The following BCAS3 variants were observed in gnomAD, a reference collection of about 807,000 sequenced individuals.
The protein encoded by BCAS3 is BCAS3 microtubule associated cell migration factor, also known as BCAS4/BCAS3 fusion.
Under a neutral mutation model 116.1 loss-of-function variants are expected in BCAS3, and 53 were observed. The observed-to-expected ratio is 0.46, with a 90% confidence interval of 0.37 to 0.57. The LOEUF is 0.57. BCAS3 is among the 20% of genes least tolerant of loss of function. The probability of loss-of-function intolerance (pLI) is 0.00; values close to 1 mark genes in which losing one functional copy is unlikely to be tolerated. For missense variants in BCAS3, 917 were observed against 1,165.4 expected (o/e 0.79, Z 3.10); for synonymous variants, 391 against 408.2 (o/e 0.96, Z 0.51).
intron 22 of BCAS3, among the ~76,000 whole-genome samples, chr17:61,154,505 G>A (rs1036564626): frequency 6.6e-6 from 1 of 151,004 alleles, no homozygotes; most frequent in Non-Finnish European, 1.5e-5. Context: ...GGGGGATCAT[G>A]GCTCACTGCA....
rs916114269 is a variant in BCAS3, at chr17:61,151,765, A to G, written c.2425+67201A>G. 1.3e-5 allele frequency among the ~76,000 whole-genome samples: 2 copies of G among 152,162 alleles called. No homozygotes were observed. The highest frequency in any genetic ancestry group is 2.4e-5 in the African/African-American group (1 of 41,428). ...GAGCCACTGCACCTGGCCAACATCT[A>G]TATTTTGAATGACTGTTGTATGCCA... On this transcript the variant is annotated intron_variant, in intron 22 of 23. Coordinates refer to ENST00000407086, the MANE Select transcript of BCAS3 (RefSeq NM_017679.5). The surrounding 1 kb of genome is among the most constrained non-coding windows in gnomAD (Gnocchi z 4.8).
In BCAS3 at chr17:61,118,629, G is replaced by C. The variant is rs545582540; in HGVS notation, c.2425+34065G>C. On this transcript the variant is annotated intron_variant, in intron 22 of 23. Coordinates refer to ENST00000407086, the MANE Select transcript of BCAS3 (RefSeq NM_017679.5). This position sits in a 1 kb window ranked among gnomAD's most constrained non-coding sequence, Gnocchi z 5.0. The stretch of plus-strand genomic sequence containing the variant: ...CTTGGCCTTTCCCACTGTGGGTGGT[G>C]GGGGTGCTGCAAGTTTTTGTGTGGC... Among the ~76,000 whole-genome samples, 7 of 152,270 alleles carry C rather than the reference G, an allele frequency of 4.6e-5. No individual in the cohort carries two copies. The East Asian group carries it at 1.4e-3, about 29-fold the overall frequency.
At chr17:60,953,780 C>T (rs1050944827) in intron 14 of BCAS3, among the ~76,000 whole-genome samples, 2 of 148,872 alleles carry the variant, frequency 1.3e-5, no homozygotes, top group African/African-American at 5.1e-5. Flanking sequence ...GTCACCCAGG[C>T]TGGAGTGCAA....
chr17:60,764,827 G>A (rs566170335), intron 6 of BCAS3, among the ~76,000 whole-genome samples: 19 of 152,278 alleles, frequency 1.2e-4, no homozygotes, highest in African/African-American at 4.3e-4. Flanking sequence ...TTGTGTGGGA[G>A]TCTAAGTCTC....
intron 22 of BCAS3, among the ~76,000 whole-genome samples, chr17:61,271,898 C>G (rs1047048968): frequency 1.3e-5 from 2 of 152,102 alleles, no homozygotes; most frequent in African/African-American, 4.8e-5. Flanking sequence ...CAGCCTCACA[C>G]TCCTGAGCCC....
intron 4 of BCAS3, chr17:60,696,606 A>G (rs1023555508): frequency 6.6e-6 from 1 of 152,176 alleles, no homozygotes; most frequent in Non-Finnish European, 1.5e-5. Flanking sequence ...CCCCATCTCT[A>G]AAAGAAAATG....
chr17:60,891,573 T>C (rs2145008573), intron 10 of BCAS3: 3 of 417,578 alleles, frequency 7.2e-6, no homozygotes, highest in Non-Finnish European at 9.6e-6. Flanking sequence ...TATAGAATTG[T>C]AAAATTGAAT....
chr17:61,334,078 C>T (rs1197737976), intron 22 of BCAS3, among the ~76,000 whole-genome samples: 3 of 152,206 alleles, frequency 2.0e-5, no homozygotes, highest in Non-Finnish European at 4.4e-5. Context: ...GACACAATCT[C>T]AGCCCTGCAG....
intron 22 of BCAS3, among the ~76,000 whole-genome samples, chr17:61,242,596 G>A (rs2047613029): frequency 6.6e-6 from 1 of 152,142 alleles, no homozygotes; most frequent in Admixed American, 6.5e-5. Flanking sequence ...AAAAAGCTAT[G>A]GCAGAACCTG....
intron 22 of BCAS3, among the ~76,000 whole-genome samples, chr17:61,253,997 A>T (rs970859793): frequency 1.3e-5 from 2 of 152,178 alleles, no homozygotes; most frequent in African/African-American, 4.8e-5. Context: ...GATAATACTC[A>T]TAAGATCTAA....
At chr17:61,125,939 A>C (rs2076025632) in intron 22 of BCAS3, among the ~76,000 whole-genome samples, 1 of 152,188 alleles carries the variant, frequency 6.6e-6, no homozygotes, top group African/African-American at 2.4e-5. Context: ...TTCAAGGAAG[A>C]AGTGAAAAAA....
At chr17:61,100,103 C>T (rs1451823467) in intron 22 of BCAS3, among the ~76,000 whole-genome samples, 2 of 152,094 alleles carry the variant, frequency 1.3e-5, no homozygotes, top group Non-Finnish European at 2.9e-5. Flanking sequence ...TATAAATGTT[C>T]AATGTTAAGA....
chr17:61,102,089 G>A (rs925179258), intron 22 of BCAS3, among the ~76,000 whole-genome samples: 5 of 152,088 alleles, frequency 3.3e-5, no homozygotes, highest in Non-Finnish European at 5.9e-5. Flanking sequence ...CCTCCTGAAT[G>A]CAATACTATT....
intron 8 of BCAS3, among the ~76,000 whole-genome samples, chr17:60,873,233 G>T (rs1354270054): frequency 6.6e-6 from 1 of 151,670 alleles, no homozygotes; most frequent in African/African-American, 2.4e-5. Context: ...AAAATATATA[G>T]AGAAAAGTTT....
intron 6 of BCAS3, among the ~76,000 whole-genome samples, chr17:60,765,812 C>T (rs1367619238): frequency 2.6e-5 from 4 of 152,150 alleles, no homozygotes; most frequent in Non-Finnish European, 4.4e-5. Flanking sequence ...ATTCTCCTGT[C>T]GCTTTCAGAT....
At chr17:61,000,054 A>G (rs2064133085) in intron 15 of BCAS3, among the ~76,000 whole-genome samples, 1 of 152,194 alleles carries the variant, frequency 6.6e-6, no homozygotes, top group Non-Finnish European at 1.5e-5. Flanking sequence ...TTTTCTAGGT[A>G]TAGAATCATA....
intron 7 of BCAS3, among the ~76,000 whole-genome samples, chr17:60,841,201 A>G (rs998435175): frequency 2.6e-5 from 4 of 152,264 alleles, no homozygotes; most frequent in Middle Eastern, 3.4e-3. Flanking sequence ...TTGAAGTAGT[A>G]TAATGGCAGA....
chr17:61,044,472 A>G (rs1401628736), intron 19 of BCAS3, among the ~76,000 whole-genome samples: 1 of 146,834 alleles, frequency 6.8e-6, no homozygotes, highest in Non-Finnish European at 1.5e-5. Flanking sequence ...AAAAATATAT[A>G]TATATATGCC....
intron 22 of BCAS3, among the ~76,000 whole-genome samples, chr17:61,158,338 T>C (rs1267447308): frequency 6.6e-6 from 1 of 152,188 alleles, no homozygotes; most frequent in Non-Finnish European, 1.5e-5. Context: ...GGAAAAGGGA[T>C]AGAATATGTG....
Sources: allele counts gnomAD v4.1 joint callset (sites outside exome capture counted in the v4.1 genomes callset), GRCh38; gene constraint gnomAD v4.1.1; non-coding constraint Gnocchi (gnomAD v3.1); transcripts MANE v1.5; gene names NCBI Gene and HGNC (gene_info 2026-07-23, HGNC 2026-07-21).